TARS3: variants seen among roughly 807,000 people sequenced by gnomAD.
The protein encoded by TARS3 is threonyl-tRNA synthetase 3.
Under a neutral mutation model 103.5 loss-of-function variants are expected in TARS3, and 94 were observed. The observed-to-expected ratio is 0.91, with a 90% CI of 0.77 to 1.08. TARS3 has a LOEUF of 1.08. Ranked by LOEUF, TARS3 falls within the 50% of genes least tolerant of loss-of-function variation. TARS3 has a pLI of 0.00. For synonymous variants in TARS3, 416 were observed against 355.4 expected (o/e 1.17, Z -1.92); for missense variants, 952 against 995.2 (o/e 0.96, Z 0.58).
intron 4 of TARS3, among the ~76,000 whole-genome samples, chr15:101,713,985 T>C (rs1319098155): frequency 6.6e-6 from 1 of 152,214 alleles, no homozygotes; most frequent in African/African-American, 2.4e-5. Flanking sequence ...AAATTTAGCA[T>C]AAGCCTTGCA....
At chr15:101,668,070 C>T (rs1287669136) in intron 15 of TARS3, among the ~76,000 whole-genome samples, 1 of 152,214 alleles carries the variant, frequency 6.6e-6, no homozygotes, top group Non-Finnish European at 1.5e-5. Flanking sequence ...GTTTCACTTC[C>T]TTATCATTTG....
chr15:101,706,651 G>A (rs11857104), intron 6 of TARS3, among the ~76,000 whole-genome samples: 62,708 of 151,888 alleles, frequency 0.41, 14,246 homozygotes, highest in East Asian at 0.81. Context: ...AAAGTTTATC[G>A]TAATGATGAT....
At position 101,654,300 on chromosome 15, in the gene TARS3, GTGTTT is replaced by G; in HGVS notation, c.*277_*281del. 1 of 309,030 alleles carries G rather than the reference GTGTTT, an allele frequency of 3.2e-6. No individual in the cohort carries two copies. 19.1% of individuals were successfully genotyped at this position (309,030 alleles called of 1,614,324 possible). On this transcript the variant is annotated 3_prime_UTR_variant, in exon 19 of 19. Coordinates refer to ENST00000335968, the MANE Select transcript of TARS3 (RefSeq NM_152334.3). ...ACTAACATTTCATAATCATTTCCTA[GTGTTT>G]TGTTTCACTTTCTCGATGAATAATA...
At chr15:101,668,324 C>T (rs1897660692) in intron 15 of TARS3, among the ~76,000 whole-genome samples, 1 of 152,026 alleles carries the variant, frequency 6.6e-6, no homozygotes, top group Non-Finnish European at 1.5e-5. Context: ...TATTGTGTCT[C>T]AGGGAATAGG....
chr15:101,679,153 T>G (rs1233394442), intron 12 of TARS3, among the ~76,000 whole-genome samples: 1 of 152,192 alleles, frequency 6.6e-6, no homozygotes. Context: ...TGAACAGCTT[T>G]CTTGAATCTG....
At chr15:101,668,692 T>A (rs756201602) in intron 15 of TARS3, among the ~76,000 whole-genome samples, 2 of 152,186 alleles carry the variant, frequency 1.3e-5, no homozygotes, top group South Asian at 4.1e-4. Flanking sequence ...AAGCTGTGCC[T>A]GTATATATAT....
chr15:101,721,010 T>C (rs1207100010), intron 3 of TARS3, 116 bp downstream of exon 3: 3 of 853,936 alleles, frequency 3.5e-6, no homozygotes, highest in Middle Eastern at 2.4e-4. Flanking sequence ...GTCTCAGACA[T>C]GTCCTTTTAG....
chr15:101,719,467 C>G (rs1223548660), intron 3 of TARS3, among the ~76,000 whole-genome samples: 1 of 152,216 alleles, frequency 6.6e-6, no homozygotes, highest in South Asian at 2.1e-4. Flanking sequence ...GAGGGGCAGA[C>G]TGTGGCAGAC....
intron 3 of TARS3, among the ~76,000 whole-genome samples, chr15:101,715,744 A>G (rs1258045230): frequency 1.3e-5 from 2 of 152,174 alleles, no homozygotes; most frequent in Admixed American, 1.3e-4. Context: ...AAGTCTTGCT[A>G]TCATAGAGTA....
At chr15:101,657,902 G>A in intron 16 of TARS3, 45 bp from the exon 17 acceptor site, 3 of 1,170,642 alleles carry the variant, frequency 2.6e-6, no homozygotes, top group Non-Finnish European at 2.4e-6. Context: ...TGTAATAATG[G>A]CTACTTATTA....
intron 9 of TARS3, among the ~76,000 whole-genome samples, 164 bp downstream of exon 9, chr15:101,702,075 C>A (rs1479110551): frequency 6.6e-6 from 1 of 152,158 alleles, no homozygotes; most frequent in Admixed American, 6.5e-5. Context: ...TAGAAGACAT[C>A]TGGGGTATTA....
In TARS3 at chr15:101,692,966, A is replaced by C. The variant is rs192640445; in HGVS notation, c.1321-6904T>G. On this transcript the variant is annotated intron_variant, in intron 10 of 18. Transcript: ENST00000335968. ...GCAAAAATTCCCCAAGTGGGTTATT[A>C]ATATAACAACAAGAGAAGCCACTCC... 3.9e-3 allele frequency among the ~76,000 whole-genome samples: 600 copies of C among 152,138 alleles called. 7 individuals are homozygous for C. Among genetic ancestry groups the C allele is most frequent in the African/African-American group, 0.014 (578 of 41,554 alleles).
At chr15:101,675,197 G>A (rs1380406370) in intron 13 of TARS3, among the ~76,000 whole-genome samples, 1 of 152,140 alleles carries the variant, frequency 6.6e-6, no homozygotes, top group Admixed American at 6.5e-5. Flanking sequence ...ACGTGACTAC[G>A]AAGGGGACTA....
Position 101,684,170 on chromosome 15 carries a change from G to C in TARS3, c.1555C>G (p.Leu519Val), listed in dbSNP as rs775321387. 5.0e-6 allele frequency: 8 copies of C among 1,613,952 alleles called. No homozygotes were observed. In the South Asian group the frequency reaches 8.8e-5, roughly 18 times the overall value. Residue 519 changes from leucine (L) to valine (V), a missense_variant, in exon 12 of 19, where the codon CTG becomes GTG. Physicochemically the swap from Leu to Val is conservative, Grantham distance 32. Around this residue, in one of 2 missense-constraint regions of TARS3, gnomAD observed 540 missense variants for 631.0 expected, o/e 0.86. Transcript: ENST00000335968. ...GTCCCCGACAGTTCATTTCTATGCA[G>C]AACTCCAAAATCAGCAAATCTAATA... is the stretch of plus-strand genomic sequence containing the variant. ...MPIRFADFGV[L>V]HRNELSGTLS...
At chr15:101,723,288 A>AC (rs1900584218) in intron 1 of TARS3, 124 bp from the exon 2 acceptor site, 1 of 745,416 alleles carries the variant, frequency 1.3e-6, no homozygotes, top group Non-Finnish European at 2.3e-6. Context: ...GGCTCTCCTG[A>AC]CCACCAGCTA....
At chr15:101,655,542 G>A (rs1329096038) in intron 18 of TARS3, among the ~76,000 whole-genome samples, 1 of 144,140 alleles carries the variant, frequency 6.9e-6, no homozygotes, top group East Asian at 2.1e-4. Context: ...AATGAGAGCG[G>A]GGAGCTCTTA....
intron 1 of TARS3, 120 bp from the exon 2 acceptor site, chr15:101,723,284 C>G: frequency 1.3e-6 from 1 of 789,328 alleles, no homozygotes; most frequent in Non-Finnish European, 2.2e-6. Flanking sequence ...GCTGGGCTCT[C>G]CTGACCACCA....
At chr15:101,679,324 A>C in intron 12 of TARS3, among the ~76,000 whole-genome samples, 1 of 151,664 alleles carries the variant, frequency 6.6e-6, no homozygotes, top group African/African-American at 2.4e-5. Flanking sequence ...TTTCTCTTTC[A>C]GTCTGTTTTC....
At chr15:101,674,663 G>A (rs889477646) in intron 13 of TARS3, among the ~76,000 whole-genome samples, 1 of 152,026 alleles carries the variant, frequency 6.6e-6, no homozygotes, top group Non-Finnish European at 1.5e-5. Context: ...AAAATTGGCC[G>A]GGTGTGGTGG....
Sources: gnomAD v4.1 joint callset for allele counts (sites outside exome capture counted in the v4.1 genomes callset) on GRCh38, gnomAD v4.1.1 for gene constraint, gnomAD v4.1.1 regional missense constraint, MANE v1.5 for transcripts, NCBI Gene and HGNC (gene_info 2026-07-23, HGNC 2026-07-21) for gene names.